ADAMTSL1: variants seen among roughly 807,000 people sequenced by gnomAD.
ADAMTSL1 encodes ADAMTS like 1, also known as ADAMTS-like protein 1.
Under a neutral mutation model 201.8 loss-of-function variants are expected in ADAMTSL1, and 126 were observed. The observed-to-expected ratio is 0.62, with a 90% CI of 0.54 to 0.72. The LOEUF is 0.72. Ranked by LOEUF, ADAMTSL1 falls within the 30% of genes least tolerant of loss-of-function variation. The pLI, the probability that ADAMTSL1 is intolerant of heterozygous loss-of-function variation, is 0.00. For synonymous variants in ADAMTSL1, 1,121 were observed against 903.4 expected, an observed-to-expected ratio of 1.24 and a Z score of -4.32; for missense variants, 2,679 against 2,277.8, an observed-to-expected ratio of 1.18 and a Z score of -3.59.
chr9:18,574,366 A>T (rs746292945), intron 4 of ADAMTSL1, 100 bp downstream of exon 4: 2 of 1,077,864 alleles, frequency 1.9e-6, no homozygotes, highest in Non-Finnish European at 2.9e-6. Flanking sequence ...TCATCTTTAC[A>T]CTTTTTAGAG....
At chr9:17,915,929 A>ATT (rs545044387) in intron 1 of ADAMTSL1, among the ~76,000 whole-genome samples, 7 of 147,958 alleles carry the variant, frequency 4.7e-5, no homozygotes, top group African/African-American at 1.7e-4. Context: ...CTGGCTGTGA[A>ATT]TTTTTTTTTT....
intron 2 of ADAMTSL1, among the ~76,000 whole-genome samples, chr9:18,462,246 C>A (rs890962419): frequency 6.6e-6 from 1 of 152,152 alleles, no homozygotes; most frequent in African/African-American, 2.4e-5. Flanking sequence ...TTATTACTGA[C>A]TTTAAAAAAC....
intron 2 of ADAMTSL1, among the ~76,000 whole-genome samples, chr9:18,250,283 G>A (rs953707431): frequency 6.6e-6 from 1 of 152,188 alleles, no homozygotes; most frequent in African/African-American, 2.4e-5. Flanking sequence ...TCTGAGAAAT[G>A]TCTGACAAAT....
intron 19 of ADAMTSL1, among the ~76,000 whole-genome samples, chr9:18,794,403 T>C (rs1563806486): frequency 8.0e-6 from 1 of 125,676 alleles, no homozygotes; most frequent in Non-Finnish European, 1.7e-5. Flanking sequence ...AGACCCTGTC[T>C]CAAAAAAAAA....
intron 1 of ADAMTSL1, among the ~76,000 whole-genome samples, chr9:17,955,622 C>A (rs550252287): frequency 1.3e-5 from 2 of 152,126 alleles, no homozygotes; most frequent in African/African-American, 4.8e-5. Flanking sequence ...CTTTGTCCTA[C>A]CCAGGACATA....
At chr9:18,854,034 G>A (rs150054210) in intron 23 of ADAMTSL1, among the ~76,000 whole-genome samples, 2,008 of 152,168 alleles carry the variant, frequency 0.013, 41 homozygotes, top group South Asian at 0.085. Context: ...ACCTTTTCAT[G>A]TGCCACATCC....
intron 9 of ADAMTSL1, among the ~76,000 whole-genome samples, chr9:18,666,299 A>G (rs1010005818): frequency 1.3e-5 from 2 of 152,188 alleles, no homozygotes; most frequent in African/African-American, 4.8e-5. Context: ...TTTAATCCTT[A>G]TAAGGGAAGT....
intron 2 of ADAMTSL1, among the ~76,000 whole-genome samples, chr9:18,336,764 T>C (rs947572679): frequency 1.3e-5 from 2 of 152,148 alleles, no homozygotes; most frequent in Non-Finnish European, 2.9e-5. Context: ...TTAATGTGAA[T>C]GTTGGACTAG....
intron 1 of ADAMTSL1, among the ~76,000 whole-genome samples, chr9:17,919,270 A>G (rs1050806393): frequency 1.3e-5 from 2 of 151,932 alleles, no homozygotes; most frequent in African/African-American, 2.4e-5. Context: ...TTGTAAAAAA[A>G]AAAAGCTTTA....
chr9:18,701,722 G>A (rs958460977), intron 13 of ADAMTSL1, among the ~76,000 whole-genome samples: 2 of 152,066 alleles, frequency 1.3e-5, no homozygotes, highest in African/African-American at 4.8e-5. Context: ...GAGACTTCCT[G>A]CATGTTTCAA....
intron 1 of ADAMTSL1, among the ~76,000 whole-genome samples, chr9:18,493,186 T>C (rs953564609): frequency 1.3e-5 from 2 of 152,204 alleles, no homozygotes; most frequent in Admixed American, 1.3e-4. Context: ...TGGAAATATG[T>C]TCTCCCGAGT....
At chr9:18,669,594 C>A (rs1009210728) in intron 9 of ADAMTSL1, among the ~76,000 whole-genome samples, 2 of 151,866 alleles carry the variant, frequency 1.3e-5, no homozygotes, top group Admixed American at 1.3e-4. Context: ...TTATGGGATC[C>A]CAACGTGCCT....
At chr9:18,100,453 G>A (rs1410707851) in intron 1 of ADAMTSL1, among the ~76,000 whole-genome samples, 1 of 152,108 alleles carries the variant, frequency 6.6e-6, no homozygotes, top group Non-Finnish European at 1.5e-5. Flanking sequence ...TAGAGGATGG[G>A]CCACCATGCC....
intron 1 of ADAMTSL1, among the ~76,000 whole-genome samples, chr9:17,978,754 T>C (rs888905260): frequency 5.3e-5 from 8 of 151,776 alleles, no homozygotes; most frequent in African/African-American, 1.9e-4. Context: ...TTCTAAATAC[T>C]TACCTTTACC....
chr9:18,585,727 T>A (rs188810841), intron 4 of ADAMTSL1, among the ~76,000 whole-genome samples: 36 of 152,066 alleles, frequency 2.4e-4, no homozygotes, highest in African/African-American at 8.2e-4. Flanking sequence ...CAAACCCAAT[T>A]TAGCATCACT....
chr9:18,876,196 G>A (rs530964358), intron 23 of ADAMTSL1, among the ~76,000 whole-genome samples: 40 of 151,976 alleles, frequency 2.6e-4, no homozygotes, highest in African/African-American at 8.9e-4. Context: ...TACTCATTCC[G>A]CCATTCTCCA....
intron 15 of ADAMTSL1, among the ~76,000 whole-genome samples, chr9:18,743,849 A>T (rs1326871264): frequency 2.0e-5 from 3 of 152,146 alleles, no homozygotes; most frequent in African/African-American, 4.8e-5. Flanking sequence ...TCTAGAATAC[A>T]GTGGTTTTAA....
At chr9:18,886,760 C>G (rs1384196728) in intron 23 of ADAMTSL1, among the ~76,000 whole-genome samples, 1 of 152,256 alleles carries the variant, frequency 6.6e-6, no homozygotes, top group African/African-American at 2.4e-5. Context: ...GCCCCACCCT[C>G]TGATACCATC....
intron 13 of ADAMTSL1, among the ~76,000 whole-genome samples, chr9:18,701,056 A>T (rs2133300527): frequency 6.6e-6 from 1 of 152,302 alleles, no homozygotes; most frequent in Middle Eastern, 3.4e-3. Flanking sequence ...AGACACAGTT[A>T]ATCTGTATTT....
Sources: gnomAD v4.1 joint callset for allele counts (sites outside exome capture counted in the v4.1 genomes callset) on GRCh38, gnomAD v4.1.1 for gene constraint, MANE v1.5 for transcripts, NCBI Gene and HGNC (gene_info 2026-07-23, HGNC 2026-07-21) for gene names.